The following KLHL29 variants were observed in gnomAD, a reference collection of about 807,000 sequenced individuals.
KLHL29 encodes the protein kelch like family member 29.
A neutral mutation model predicts 80.4 loss-of-function variants in KLHL29; 21 were observed. The ratio of observed to expected loss-of-function variants is 0.26; its 90% confidence interval spans 0.19 to 0.38. The LOEUF (loss-of-function observed/expected upper bound fraction) is 0.38, where lower values mean the gene tolerates loss of function less well. Ranked by LOEUF, KLHL29 falls within the 10% of genes least tolerant of loss-of-function variation. The pLI is 1.00. For missense variants in KLHL29, 867 were observed against 1,223.9 expected (o/e 0.71, Z 4.35); for synonymous variants, 511 against 526.8 (o/e 0.97, Z 0.41).
chr2:23,427,694 G>T (rs959047180), intron 1 of KLHL29, among the ~76,000 whole-genome samples: 1 of 152,128 alleles, frequency 6.6e-6, no homozygotes, highest in African/African-American at 2.4e-5. Flanking sequence ...TAATTTTGGG[G>T]TCTATTATTG....
At chr2:23,566,146 A>G (rs537742754) in intron 3 of KLHL29, among the ~76,000 whole-genome samples, 1 of 152,210 alleles carries the variant, frequency 6.6e-6, no homozygotes, top group Non-Finnish European at 1.5e-5. Context: ...TGGCCTAAAG[A>G]TTCCTCACGT....
intron 3 of KLHL29, among the ~76,000 whole-genome samples, chr2:23,615,931 C>A (rs75922210): frequency 0.034 from 5,102 of 152,292 alleles, 106 homozygotes; most frequent in South Asian, 0.058. Context: ...CTCCCCAGAC[C>A]CCCTCTGCTT....
chr2:23,405,354 T>C (rs1558326006), intron 1 of KLHL29, among the ~76,000 whole-genome samples: 1 of 152,184 alleles, frequency 6.6e-6, no homozygotes. Flanking sequence ...TAAAATGACA[T>C]TTAAAAATTA....
At chr2:23,511,503 G>A (rs1334036532) in intron 2 of KLHL29, among the ~76,000 whole-genome samples, 1 of 152,200 alleles carries the variant, frequency 6.6e-6, no homozygotes, top group African/African-American at 2.4e-5. Flanking sequence ...CTGGAAGGTG[G>A]TGTTTCTCAC....
At chr2:23,637,413 C>T (rs949729024) in intron 3 of KLHL29, among the ~76,000 whole-genome samples, 1 of 152,212 alleles carries the variant, frequency 6.6e-6, no homozygotes, top group South Asian at 2.1e-4. Context: ...CAGCCTCTGC[C>T]TGTCCCACAG....
At chr2:23,504,766 G>A (rs998843418) in intron 2 of KLHL29, among the ~76,000 whole-genome samples, 4 of 152,220 alleles carry the variant, frequency 2.6e-5, no homozygotes, top group Admixed American at 1.3e-4. Context: ...AGCATGTGCC[G>A]GGCACAAGCC....
At chr2:23,616,077 G>T (rs1482897804) in intron 3 of KLHL29, among the ~76,000 whole-genome samples, 1 of 152,158 alleles carries the variant, frequency 6.6e-6, no homozygotes, top group East Asian at 1.9e-4. Context: ...TATGGGTCCT[G>T]GCCTGGAGGG....
At chr2:23,466,036 C>T (rs904140928) in intron 1 of KLHL29, among the ~76,000 whole-genome samples, 1 of 151,914 alleles carries the variant, frequency 6.6e-6, no homozygotes, top group African/African-American at 2.4e-5. Flanking sequence ...AGACGTCGAG[C>T]AGGGTAAAGG....
chr2:23,429,949 C>G (rs1002874635), intron 1 of KLHL29, among the ~76,000 whole-genome samples: 25 of 152,054 alleles, frequency 1.6e-4, no homozygotes, highest in African/African-American at 6.0e-4. Flanking sequence ...ATATTAACTA[C>G]TTGAATCTTC....
intron 2 of KLHL29, among the ~76,000 whole-genome samples, chr2:23,515,627 C>T (rs565863091): frequency 6.6e-6 from 1 of 152,312 alleles, no homozygotes; most frequent in Non-Finnish European, 1.5e-5. Context: ...TCTGACCATC[C>T]CCCATGCCCA....
At chr2:23,566,427 C>T (rs1309649471) in intron 3 of KLHL29, among the ~76,000 whole-genome samples, 1 of 152,244 alleles carries the variant, frequency 6.6e-6, no homozygotes, top group Non-Finnish European at 1.5e-5. Context: ...GGGCCAGCTC[C>T]TCTTCCCACT....
intron 2 of KLHL29, among the ~76,000 whole-genome samples, chr2:23,547,255 G>A (rs1667001495): frequency 6.6e-6 from 1 of 152,202 alleles, no homozygotes; most frequent in South Asian, 2.1e-4. Flanking sequence ...AGAGAAGGGC[G>A]ATGCTGCCAT....
intron 3 of KLHL29, among the ~76,000 whole-genome samples, chr2:23,608,906 G>A (rs750477692): frequency 6.6e-6 from 1 of 152,206 alleles, no homozygotes; most frequent in Non-Finnish European, 1.5e-5. Context: ...TGATTAAGGT[G>A]CAGATAAGCA....
intron 6 of KLHL29, among the ~76,000 whole-genome samples, chr2:23,688,392 G>C (rs1235038472): frequency 1.3e-5 from 2 of 152,198 alleles, no homozygotes; most frequent in Admixed American, 1.3e-4. Context: ...ACAGTGCCCA[G>C]TTCCAACTTG....
At chr2:23,410,295 G>A (rs980636319) in intron 1 of KLHL29, among the ~76,000 whole-genome samples, 2 of 151,324 alleles carry the variant, frequency 1.3e-5, no homozygotes, top group Non-Finnish European at 3.0e-5. Context: ...GAGTTGAGGG[G>A]ATGGTGCATG....
intron 2 of KLHL29, among the ~76,000 whole-genome samples, chr2:23,546,405 G>A (rs1666980452): frequency 6.6e-6 from 1 of 152,212 alleles, no homozygotes; most frequent in South Asian, 2.1e-4. Flanking sequence ...GGAGGCAAGA[G>A]CTGAGCTGGA....
chr2:23,541,699 G>A (rs80355652), intron 2 of KLHL29, among the ~76,000 whole-genome samples: 4,155 of 150,382 alleles, frequency 0.028, 63 homozygotes, highest in African/African-American at 0.043. Flanking sequence ...TGCATTCACC[G>A]TTCTTTCTCA....
At chr2:23,653,605 G>A (rs990402226) in intron 5 of KLHL29, among the ~76,000 whole-genome samples, 2 of 152,208 alleles carry the variant, frequency 1.3e-5, no homozygotes, top group South Asian at 2.1e-4. Flanking sequence ...ACGCACACAG[G>A]CAAGGTCAGC....
intron 4 of KLHL29, among the ~76,000 whole-genome samples, chr2:23,640,881 C>G (rs1317965188): frequency 6.6e-6 from 1 of 152,148 alleles, no homozygotes; most frequent in Non-Finnish European, 1.5e-5. Flanking sequence ...GGTGGCTCTC[C>G]CTTGGACAGT....
Sources: allele counts gnomAD v4.1 joint callset (sites outside exome capture counted in the v4.1 genomes callset), GRCh38; gene constraint gnomAD v4.1.1; transcripts MANE v1.5; gene names NCBI Gene and HGNC (gene_info 2026-07-23, HGNC 2026-07-21).